Variants in SPDYA observed in about 807,000 individuals in gnomAD.
The protein encoded by SPDYA is speedy protein A.
Under a neutral mutation model 36.7 loss-of-function variants are expected in SPDYA, and 11 were observed. The ratio of observed to expected loss-of-function variants is 0.30; its 90% CI spans 0.19 to 0.50. The LOEUF is 0.50. SPDYA is among the 20% of genes least tolerant of loss of function. The pLI is 0.98. For missense variants in SPDYA, 287 were observed against 370.9 expected, an observed-to-expected ratio of 0.77 and a Z score of 1.86; for synonymous variants, 115 against 118.7, an observed-to-expected ratio of 0.97 and a Z score of 0.20.
At chr2:28,846,550 C>A (rs1426064986) in intron 7 of SPDYA, among the ~76,000 whole-genome samples, 2 of 152,120 alleles carry the variant, frequency 1.3e-5, no homozygotes, top group African/African-American at 4.8e-5. Context: ...CTTTAGTTTA[C>A]AGGACAGCCA....
chr2:28,845,590 GC>G (rs906110222), intron 7 of SPDYA, among the ~76,000 whole-genome samples: 2 of 152,128 alleles, frequency 1.3e-5, no homozygotes, highest in Non-Finnish European at 2.9e-5. Flanking sequence ...TGTTGCCCAG[GC>G]TGGAGTGCAA....
intron 4 of SPDYA, among the ~76,000 whole-genome samples, chr2:28,819,865 T>A (rs1401435421): frequency 7.0e-4 from 4 of 5,720 alleles, no homozygotes; most frequent in Non-Finnish European, 1.0e-3. Flanking sequence ...TATATATATA[T>A]ATATATATAT....
chr2:28,826,933 C>CT (rs111991660), intron 5 of SPDYA, among the ~76,000 whole-genome samples: 30 of 140,698 alleles, frequency 2.1e-4, no homozygotes, highest in African/African-American at 7.8e-4. Flanking sequence ...TTGCTATTTT[C>CT]TTTTTTCTTT....
At chr2:28,842,342 A>C (rs1668770687) in intron 7 of SPDYA, 1 of 152,264 alleles carries the variant, frequency 6.6e-6, no homozygotes, top group Non-Finnish European at 1.5e-5. Flanking sequence ...AAAGCAAAAC[A>C]GAAGCAGTTA....
chr2:28,838,071 CA>C (rs1668653909), intron 6 of SPDYA, among the ~76,000 whole-genome samples: 1 of 151,864 alleles, frequency 6.6e-6, no homozygotes, highest in South Asian at 2.1e-4. Context: ...AAGTCCGTTT[CA>C]TAGAATCACA....
In SPDYA at chr2:28,850,151, A is replaced by G; in HGVS notation, c.*210A>G. Reference sequence around the variant, plus strand: ...GCAGTGATTTTCAATATAAAGTTCTATTTTGATATTTTTCCATCTTCAAGT... The same window carrying G: ...GCAGTGATTTTCAATATAAAGTTCTGTTTTGATATTTTTCCATCTTCAAGT... On this transcript the variant is annotated 3_prime_UTR_variant, in exon 8 of 8. Transcript: ENST00000334056. 6.5e-7 allele frequency: 1 copy of G among 1,541,352 alleles called. No homozygotes were observed. The highest frequency in any genetic ancestry group is 8.9e-7 in the Non-Finnish European group (1 of 1,123,580).
At chr2:28,819,333 AC>A (rs1357034292) in intron 4 of SPDYA, among the ~76,000 whole-genome samples, 3 of 151,908 alleles carry the variant, frequency 2.0e-5, no homozygotes, top group Admixed American at 6.6e-5. Flanking sequence ...ACATAGTGAG[AC>A]CCCCATCTCT....
rs996971237 is a variant in SPDYA at position 28,812,822 on chromosome 2, A to C, written c.-92-1791A>C. 1.9e-4 allele frequency among the ~76,000 whole-genome samples: 27 copies of C among 138,580 alleles called. No individual in the cohort carries two copies. In the East Asian group the frequency reaches 5.3e-3, roughly 27 times the overall value. 90.9% of individuals were successfully genotyped at this position (138,580 alleles called of 152,430 possible). Reference sequence around the variant, plus strand: ...CAGTGAGCCGAGATCGAGCCATTGCACTCCAGCCTGGGCGACAAGAGCGAA... The same window carrying C: ...CAGTGAGCCGAGATCGAGCCATTGCCCTCCAGCCTGGGCGACAAGAGCGAA... On this transcript the variant is annotated intron_variant, in intron 1 of 7. Coordinates refer to ENST00000334056, the MANE Select transcript of SPDYA (RefSeq NM_182756.4).
At chr2:28,836,142 CT>C (rs1330862666) in intron 6 of SPDYA, among the ~76,000 whole-genome samples, 1 of 152,146 alleles carries the variant, frequency 6.6e-6, no homozygotes, top group African/African-American at 2.4e-5. Context: ...ACACAAATAG[CT>C]GTGGGGGTGG....
intron 4 of SPDYA, among the ~76,000 whole-genome samples, chr2:28,819,410 G>A (rs1270399866): frequency 1.3e-5 from 2 of 152,006 alleles, no homozygotes; most frequent in Admixed American, 6.6e-5. Flanking sequence ...CAGCTGAGGT[G>A]GGAGGATCAC....
chr2:28,843,329 C>G (rs933553899), intron 7 of SPDYA, among the ~76,000 whole-genome samples: 2 of 152,106 alleles, frequency 1.3e-5, no homozygotes, highest in Non-Finnish European at 2.9e-5. Context: ...GGGGGCGGAT[C>G]ACCTGAGGTC....
Position 28,816,254 on chromosome 2 carries a change from G to A in SPDYA, c.235+5G>A. The A allele has an allele frequency of 1.3e-6, 2 of 1,577,074 alleles. No homozygotes were observed. The highest frequency in any genetic ancestry group is 1.7e-6 in the Non-Finnish European group (2 of 1,160,498). ...CTGCTTTCTTTAAATTATTTGGTAG[G>A]TTTAAAATATTGTAATAGTGGTAAT... On this transcript the variant is annotated splice_donor_5th_base_variant and intron_variant, in intron 3 of 7. Transcript: ENST00000334056.
chr2:28,842,166 G>C (rs1384209217), intron 7 of SPDYA: 6 of 152,136 alleles, frequency 3.9e-5, no homozygotes, highest in African/African-American at 1.4e-4. Flanking sequence ...ATGGTCTACT[G>C]CCCTTTTGAT....
intron 5 of SPDYA, among the ~76,000 whole-genome samples, chr2:28,822,893 A>C (rs1044376911): frequency 1.3e-5 from 2 of 152,228 alleles, no homozygotes; most frequent in Non-Finnish European, 2.9e-5. Flanking sequence ...GGTGTGAGCC[A>C]CTGCGCCTGG....
chr2:28,832,984 C>A (rs1668513041), intron 6 of SPDYA, among the ~76,000 whole-genome samples: 1 of 152,026 alleles, frequency 6.6e-6, no homozygotes, highest in African/African-American at 2.4e-5. Context: ...GGACTACAGG[C>A]ATGTGCCACC....
At chr2:28,820,734 C>T (rs1247710927) in intron 4 of SPDYA, among the ~76,000 whole-genome samples, 1 of 152,098 alleles carries the variant, frequency 6.6e-6, no homozygotes, top group Non-Finnish European at 1.5e-5. Flanking sequence ...CGTGACTTTA[C>T]ATCACTACTA....
At chr2:28,827,095 C>T (rs1161185131) in intron 5 of SPDYA, among the ~76,000 whole-genome samples, 3 of 151,876 alleles carry the variant, frequency 2.0e-5, no homozygotes, top group African/African-American at 4.8e-5. Context: ...CCCGCCACCA[C>T]GCCTGGCTAA....
chr2:28,842,483 G>A (rs1668772796), intron 7 of SPDYA, among the ~76,000 whole-genome samples: 2 of 152,112 alleles, frequency 1.3e-5, no homozygotes. Flanking sequence ...AGTATACTTT[G>A]GAGAAAAAAT....
In SPDYA at chr2:28,821,178, ATT is replaced by A. The variant is rs1016145776; in HGVS notation, c.295-1136_295-1135del. Among the ~76,000 whole-genome samples the A allele has an allele frequency of 7.0e-3, 912 of 130,310 alleles. 12 individuals are homozygous for A. The highest frequency in any genetic ancestry group is 0.024 in the African/African-American group (851 of 34,884). The allele number at this position is 130,310 out of a possible 152,430, so 85.5% of individuals were successfully genotyped here. ...ACAATTCATGTGGAGTTATGATGTG[ATT>A]TTTTTTTTTTCTTTTTCTTTTTTTT... On this transcript the variant is annotated intron_variant, in intron 4 of 7. Coordinates refer to ENST00000334056, the MANE Select transcript of SPDYA (RefSeq NM_182756.4).
Sources: allele counts gnomAD v4.1 joint callset (sites outside exome capture counted in the v4.1 genomes callset), GRCh38; gene constraint gnomAD v4.1.1; transcripts MANE v1.5; gene names NCBI Gene and HGNC (gene_info 2026-07-23, HGNC 2026-07-21).